The following GNS variants were observed in gnomAD, a reference collection of about 807,000 sequenced individuals.
The protein encoded by GNS is glucosamine (N-acetyl)-6-sulfatase.
GNS carries 40 observed loss-of-function variants against 69.7 expected under a neutral mutation model. The ratio of observed to expected loss-of-function variants is 0.57; its 90% CI spans 0.45 to 0.75. GNS has a LOEUF of 0.75. Among genes scored for constraint, GNS ranks in the 30% least tolerant of loss-of-function variants. The pLI, the probability that GNS is intolerant of heterozygous loss-of-function variation, is 0.00. For missense variants in GNS, 565 were observed against 685.5 expected, an observed-to-expected ratio of 0.82 and a Z score of 1.96; for synonymous variants, 243 against 251.6, an observed-to-expected ratio of 0.97 and a Z score of 0.32.
chr12:64,756,806 G>T, intron 1 of GNS: 1 of 1,012,370 alleles, frequency 9.9e-7, no homozygotes, highest in Non-Finnish European at 1.5e-6. Flanking sequence ...CATTAAGTTT[G>T]ACTTATGCCC....
At chr12:64,721,508 T>G (rs1274925993) in intron 12 of GNS, 87 bp downstream of exon 12, 1 of 781,664 alleles carries the variant, frequency 1.3e-6, no homozygotes, top group Non-Finnish European at 2.4e-6. Flanking sequence ...GGGAGCAGCC[T>G]TGGAATTGCT....
intron 2 of GNS, among the ~76,000 whole-genome samples, chr12:64,750,034 T>C (rs1870027738): frequency 6.6e-6 from 1 of 151,972 alleles, no homozygotes; most frequent in African/African-American, 2.4e-5. Flanking sequence ...TGCACCACCA[T>C]GCCTCTGTTT....
intron 10 of GNS, 58 bp downstream of exon 10, chr12:64,728,898 C>T (rs529122399): frequency 3.8e-5 from 32 of 836,030 alleles, no homozygotes; most frequent in Admixed American, 2.7e-4. Context: ...TAAGTCTTTA[C>T]ACAACCCAGA....
At chr12:64,739,166 C>A (rs1259004003) in intron 8 of GNS, among the ~76,000 whole-genome samples, 2 of 152,120 alleles carry the variant, frequency 1.3e-5, no homozygotes, top group African/African-American at 4.8e-5. Context: ...CCTAGAACAC[C>A]ATGTCATCTT....
intron 13 of GNS, among the ~76,000 whole-genome samples, chr12:64,718,630 C>T (rs998801074): frequency 7.2e-5 from 11 of 152,220 alleles, no homozygotes; most frequent in Non-Finnish European, 1.5e-5. Context: ...CTGGCAGGTC[C>T]ATGTCCTAGC....
rs1387549736 is a variant in GNS at position 64,716,124 on chromosome 12, G to C, written c.*617C>G. The C allele has an allele frequency of 6.3e-6, 1 of 159,970 alleles. No individual in the cohort carries two copies. Among genetic ancestry groups the C allele is most frequent in the Non-Finnish European group, 1.4e-5 (1 of 71,746 alleles). 9.9% of individuals were successfully genotyped at this position (159,970 alleles called of 1,614,324 possible). On this transcript the variant is annotated 3_prime_UTR_variant, in exon 14 of 14. Coordinates refer to ENST00000258145, the MANE Select transcript of GNS (RefSeq NM_002076.4). ...ACCAGCCTAGAATTCACAAAAACAT[G>C]AACAGAGCTTGGGTGACATGTTTTG...
At chr12:64,740,002 T>C (rs1170003869) in intron 7 of GNS, among the ~76,000 whole-genome samples, 2 of 152,236 alleles carry the variant, frequency 1.3e-5, no homozygotes, top group African/African-American at 4.8e-5. Flanking sequence ...TAAAGTTTTA[T>C]TGGACCACAA....
rs1869572726 is a variant in GNS, at chr12:64,736,905, T to C, written c.1098+99A>G. 5.3e-6 allele frequency: 4 copies of C among 757,494 alleles called. No homozygotes were observed. The Admixed American group carries it at 5.6e-5, about 11-fold the overall frequency. 46.9% of individuals were successfully genotyped at this position (757,494 alleles called of 1,614,324 possible). A position where few individuals can be genotyped will look rare whatever the true frequency, so the allele number is the denominator to read the frequency against. ...AAACTCTTCTGCTGCTCAGCCCTAG[T>C]GGGAAGAGGAACCTAACCAATCTTA... On this transcript the variant is annotated intron_variant, in intron 9 of 13. Coordinates refer to ENST00000258145, the MANE Select transcript of GNS (RefSeq NM_002076.4).
At chr12:64,741,303 G>A (rs897881826) in intron 6 of GNS, among the ~76,000 whole-genome samples, 2 of 151,326 alleles carry the variant, frequency 1.3e-5, no homozygotes, top group Non-Finnish European at 3.0e-5. Flanking sequence ...AGCCGAGATC[G>A]CACTACTACA....
At chr12:64,725,946 A>G (rs1869182367) in intron 10 of GNS, among the ~76,000 whole-genome samples, 2 of 133,560 alleles carry the variant, frequency 1.5e-5, no homozygotes, top group Non-Finnish European at 3.1e-5. Flanking sequence ...CAGTGAGCTG[A>G]GATCATGCCA....
At chr12:64,727,095 C>A (rs1357109017) in intron 10 of GNS, among the ~76,000 whole-genome samples, 2 of 151,858 alleles carry the variant, frequency 1.3e-5, no homozygotes, top group Non-Finnish European at 2.9e-5. Context: ...ATATAATAAT[C>A]ACAAAGACAG....
chr12:64,722,859 T>C (rs945418752), intron 11 of GNS, 147 bp downstream of exon 11: 15 of 663,560 alleles, frequency 2.3e-5, no homozygotes, highest in African/African-American at 5.3e-5. Flanking sequence ...TCACTGGATT[T>C]ACCTTTGTCC....
At chr12:64,720,832 G>T (rs1416544803) in intron 12 of GNS, among the ~76,000 whole-genome samples, 1 of 152,148 alleles carries the variant, frequency 6.6e-6, no homozygotes, top group East Asian at 1.9e-4. Context: ...AGGTAATTTT[G>T]CCTATAATGG....
intron 1 of GNS, among the ~76,000 whole-genome samples, chr12:64,754,550 G>GGTCAGAGAGGCAGGCAGGA (rs1419435671): frequency 6.6e-6 from 1 of 152,050 alleles, no homozygotes; most frequent in Non-Finnish European, 1.5e-5. Flanking sequence ...GGTAAGATGA[G>GGTCAGAGAGGCAGGCAGGA]GTCAGAGAGG....
intron 2 of GNS, among the ~76,000 whole-genome samples, chr12:64,751,887 C>T (rs903843028): frequency 6.8e-6 from 1 of 146,734 alleles, no homozygotes; most frequent in Non-Finnish European, 1.5e-5. Context: ...ACCCAGAAGG[C>T]TGAGGCAGGA....
chr12:64,730,840 T>C (rs1191914058), intron 9 of GNS, among the ~76,000 whole-genome samples: 1 of 152,156 alleles, frequency 6.6e-6, no homozygotes, highest in Non-Finnish European at 1.5e-5. Flanking sequence ...CAACAAGCCA[T>C]CTACAGACCC....
At chr12:64,730,350 A>G (rs1241931757) in intron 9 of GNS, among the ~76,000 whole-genome samples, 3 of 151,908 alleles carry the variant, frequency 2.0e-5, no homozygotes, top group Non-Finnish European at 4.4e-5. Context: ...GGAGAGGCCA[A>G]ACAGGGAGAT....
chr12:64,748,070 T>C, intron 2 of GNS, 152 bp from the exon 3 acceptor site: 2 of 663,370 alleles, frequency 3.0e-6, no homozygotes, highest in Non-Finnish European at 5.4e-6. Flanking sequence ...ACACATGACA[T>C]GCTTCAGGGC....
At chr12:64,746,852 G>C (rs1298285414) in intron 3 of GNS, among the ~76,000 whole-genome samples, 1 of 152,108 alleles carries the variant, frequency 6.6e-6, no homozygotes, top group African/African-American at 2.4e-5. Flanking sequence ...TCATCTTCCT[G>C]TAAACTCACA....
Sources: allele counts gnomAD v4.1 joint callset (sites outside exome capture counted in the v4.1 genomes callset), GRCh38; gene constraint gnomAD v4.1.1; transcripts MANE v1.5; gene names NCBI Gene and HGNC (gene_info 2026-07-23, HGNC 2026-07-21).